PARD6G: variants seen among roughly 807,000 people sequenced by gnomAD.
PARD6G encodes partitioning defective 6 homolog gamma.
Under a neutral mutation model 10.7 loss-of-function variants are expected in PARD6G, and 7 were observed. The ratio of observed to expected loss-of-function variants is 0.66; its 90% CI spans 0.37 to 1.23. The LOEUF (loss-of-function observed/expected upper bound fraction) is 1.23. Ranked by LOEUF, PARD6G falls within the 50% of genes most tolerant of loss-of-function variation. PARD6G has a pLI of 0.02. For synonymous variants in PARD6G, 287 were observed against 269.4 expected, an observed-to-expected ratio of 1.07 and a Z score of -0.64; for missense variants, 548 against 571.8, an observed-to-expected ratio of 0.96 and a Z score of 0.42.
intron 2 of PARD6G, among the ~76,000 whole-genome samples, chr18:80,196,663 G>A (rs1423154042): frequency 6.6e-6 from 1 of 152,132 alleles, no homozygotes; most frequent in African/African-American, 2.4e-5. Context: ...AAGGCAGAGA[G>A]CAGGGCGGCT....
chr18:80,165,708 C>T (rs1268025761), intron 2 of PARD6G, among the ~76,000 whole-genome samples: 2 of 151,336 alleles, frequency 1.3e-5, no homozygotes, highest in Non-Finnish European at 3.0e-5. Context: ...ATGTCTTTGC[C>T]TCTAAAATTT....
chr18:80,163,006 T>C (rs2052710709), intron 2 of PARD6G, among the ~76,000 whole-genome samples: 1 of 152,178 alleles, frequency 6.6e-6, no homozygotes. Flanking sequence ...GGACTGTGGA[T>C]CCATGGGGCC....
Position 80,180,731 on chromosome 18 carries a change from G to A in PARD6G, c.296-20125C>T, listed in dbSNP as rs1444371940. Among the ~76,000 whole-genome samples the A allele has an allele frequency of 6.6e-6, 1 of 152,138 alleles. No individual in the cohort carries two copies. The highest frequency in any genetic ancestry group is 2.4e-5 in the African/African-American group (1 of 41,428). ...GTCCCCTCATACAAGCTTTGTCAGG[G>A]GGCCGGACGTCCACCTGCAGGCCCA... On this transcript the variant is annotated intron_variant, in intron 2 of 2. Coordinates refer to ENST00000353265, the MANE Select transcript of PARD6G (RefSeq NM_032510.4). This position sits in a 1 kb window ranked among gnomAD's most constrained non-coding sequence, Gnocchi z 5.6.
Position 80,188,830 on chromosome 18 carries a change from C to T in PARD6G, c.295+13880G>A, listed in dbSNP as rs149430222. The stretch of plus-strand genomic sequence containing the variant: ...GAGACAAGCCCACGAGATGGGCTTG[C>T]GGGGAAGTCAGGCGGGTGCAATCCC... On this transcript the variant is annotated intron_variant, in intron 2 of 2. Transcript: ENST00000353265. This position sits in a 1 kb window ranked among gnomAD's most constrained non-coding sequence, Gnocchi z 5.4. Among the ~76,000 whole-genome samples the T allele has an allele frequency of 2.0e-5, 3 of 152,252 alleles. No individual in the cohort carries two copies. The highest frequency in any genetic ancestry group is 6.5e-5 in the Admixed American group (1 of 15,302).
intron 2 of PARD6G, among the ~76,000 whole-genome samples, chr18:80,166,072 C>G (rs1270727078): frequency 6.6e-6 from 1 of 151,936 alleles, no homozygotes; most frequent in Non-Finnish European, 1.5e-5. Context: ...GAGCAAAACT[C>G]CATCTCAAAA....
chr18:80,203,438 A>G (rs897424750), intron 1 of PARD6G, among the ~76,000 whole-genome samples: 3 of 152,204 alleles, frequency 2.0e-5, no homozygotes, highest in African/African-American at 7.2e-5. Context: ...TCGCTCATCC[A>G]CAGAGACCCA....
chr18:80,211,423 A>G (rs1479913426), intron 1 of PARD6G, among the ~76,000 whole-genome samples: 2 of 152,210 alleles, frequency 1.3e-5, no homozygotes, highest in Non-Finnish European at 2.9e-5. Flanking sequence ...AGTGTTGGCA[A>G]AGATGTGGAG....
chr18:80,196,544 T>C (rs1241244985), intron 2 of PARD6G, among the ~76,000 whole-genome samples: 3 of 152,232 alleles, frequency 2.0e-5, no homozygotes, highest in Non-Finnish European at 2.9e-5. Flanking sequence ...CTCCAAGCAA[T>C]ATAAACTCTC....
At position 80,181,550 on chromosome 18, in the gene PARD6G, C is replaced by T. The variant is rs920522639; in HGVS notation, c.296-20944G>A. Among the ~76,000 whole-genome samples, 2 of 152,098 alleles carry T rather than the reference C, an allele frequency of 1.3e-5. No homozygotes were observed. Among genetic ancestry groups the T allele is most frequent in the African/African-American group, 4.8e-5 (2 of 41,398 alleles). On this transcript the variant is annotated intron_variant, in intron 2 of 2. Transcript: ENST00000353265. The surrounding 1 kb of genome is among the most constrained non-coding windows in gnomAD (Gnocchi z 7.9). Reference sequence around the variant, plus strand: ...ACCCTACATCTCTGCTTCCAAAGTCCGGTAGGTGTGCCCTTCCCCTAAACT... The same window carrying T: ...ACCCTACATCTCTGCTTCCAAAGTCTGGTAGGTGTGCCCTTCCCCTAAACT...
chr18:80,215,007 T>C (rs2145289888), intron 1 of PARD6G, among the ~76,000 whole-genome samples: 1 of 131,224 alleles, frequency 7.6e-6, no homozygotes, highest in South Asian at 2.6e-4. Context: ...CAGAGTAAGA[T>C]TAACAGCTGG....
intron 2 of PARD6G, among the ~76,000 whole-genome samples, chr18:80,163,617 T>G (rs923389819): frequency 2.0e-5 from 3 of 152,110 alleles, no homozygotes; most frequent in African/African-American, 7.2e-5. Context: ...ATCTCGGCCA[T>G]CCCCACAGGG....
At chr18:80,204,240 T>C (rs1294544124) in intron 1 of PARD6G, among the ~76,000 whole-genome samples, 1 of 152,216 alleles carries the variant, frequency 6.6e-6, no homozygotes, top group Non-Finnish European at 1.5e-5. Context: ...TATGGAAAAC[T>C]AGTCATTATA....
intron 1 of PARD6G, among the ~76,000 whole-genome samples, chr18:80,240,645 C>T (rs1967479697): frequency 6.6e-6 from 1 of 152,172 alleles, no homozygotes; most frequent in Non-Finnish European, 1.5e-5. Context: ...GGAGACCTGG[C>T]CTAGAATCTC....
intron 1 of PARD6G, among the ~76,000 whole-genome samples, chr18:80,229,937 T>C (rs1478461262): frequency 3.3e-5 from 5 of 151,956 alleles, no homozygotes; most frequent in Non-Finnish European, 7.4e-5. Flanking sequence ...ACACAGGGAG[T>C]TGGCTCCAGG....
intron 2 of PARD6G, among the ~76,000 whole-genome samples, chr18:80,168,573 TTGTGTGTGTGTG>T (rs3051500): frequency 2.0e-4 from 29 of 144,336 alleles, no homozygotes; most frequent in African/African-American, 6.0e-4. Flanking sequence ...CAAATTATGT[TTGTGTGTGTGTG>T]TGTGTGTGTG....
intron 1 of PARD6G, among the ~76,000 whole-genome samples, chr18:80,235,893 T>C (rs1967416447): frequency 1.3e-5 from 2 of 152,106 alleles, no homozygotes; most frequent in Non-Finnish European, 2.9e-5. Flanking sequence ...CAGGACCAGA[T>C]GGATTCACAG....
Position 80,160,025 on chromosome 18 carries a change from C to G in PARD6G, c.877G>C (p.Ala293Pro). 1.3e-6 allele frequency: 2 copies of G among 1,535,650 alleles called. No homozygotes were observed. The highest frequency in any genetic ancestry group is 1.7e-6 in the Non-Finnish European group (2 of 1,147,596). Reference protein sequence around the residue: ...RVLQNFHPDEAESDEDNDVVI... With the variant: ...RVLQNFHPDEPESDEDNDVVI... The stretch of plus-strand genomic sequence containing the variant: ...ACGTCGTTGTCCTCATCGCTCTCCG[C>G]CTCGTCGGGGTGGAAGTTCTGCAGG... The change falls in exon 3 of 3, where the codon GCG becomes CCG. Residue 293 changes from alanine to proline, a missense_variant. Ala to Pro is a conservative substitution (Grantham distance 27). Around this residue, in one of 2 missense-constraint regions of PARD6G, gnomAD observed 313 missense variants for 279.9 expected, o/e 1.12. Transcript: ENST00000353265.
At chr18:80,220,182 A>G (rs1394392124) in intron 1 of PARD6G, among the ~76,000 whole-genome samples, 1 of 152,200 alleles carries the variant, frequency 6.6e-6, no homozygotes, top group Non-Finnish European at 1.5e-5. Context: ...CAAGGAGAAG[A>G]GCATAGCAAA....
intron 2 of PARD6G, among the ~76,000 whole-genome samples, chr18:80,177,290 GCA>G (rs372825491): frequency 3.2e-5 from 2 of 62,800 alleles, no homozygotes; most frequent in Non-Finnish European, 6.1e-5. Flanking sequence ...ACGCACACAC[GCA>G]CACACACACG....
Sources: gnomAD v4.1 joint callset for allele counts (sites outside exome capture counted in the v4.1 genomes callset) on GRCh38, gnomAD v4.1.1 for gene constraint, gnomAD v4.1.1 regional missense constraint, Gnocchi (gnomAD v3.1) non-coding constraint, MANE v1.5 for transcripts, NCBI Gene and HGNC (gene_info 2026-07-23, HGNC 2026-07-21) for gene names.